Variants in CCDC192 observed in about 807,000 individuals in gnomAD.
CCDC192 encodes coiled-coil domain containing 192.
chr5:127,877,433 G>A (rs988006882), intron 6 of CCDC192, among the ~76,000 whole-genome samples: 1 of 151,972 alleles, frequency 6.6e-6, no homozygotes, highest in African/African-American at 2.4e-5. Flanking sequence ...AATAAAGCCA[G>A]TCATTGTAAG....
At chr5:127,752,779 G>A (rs558983606) in intron 2 of CCDC192, among the ~76,000 whole-genome samples, 1 of 152,324 alleles carries the variant, frequency 6.6e-6, no homozygotes, top group East Asian at 1.9e-4. Context: ...CGTGGGCGTA[G>A]GACCCTCTGA....
intron 3 of CCDC192, among the ~76,000 whole-genome samples, chr5:127,789,711 G>T (rs1721330978): frequency 6.6e-6 from 1 of 152,240 alleles, no homozygotes; most frequent in Non-Finnish European, 1.5e-5. Context: ...AAGTTTCTCA[G>T]ACTTCTTAGA....
intron 6 of CCDC192, among the ~76,000 whole-genome samples, chr5:127,925,478 A>G (rs1387946153): frequency 6.6e-6 from 1 of 152,206 alleles, no homozygotes; most frequent in African/African-American, 2.4e-5. Context: ...TATGCTGCCA[A>G]GTTAGCTTAG....
chr5:127,710,420 G>A (rs1225249923), intron 2 of CCDC192, among the ~76,000 whole-genome samples: 1 of 151,940 alleles, frequency 6.6e-6, no homozygotes, highest in African/African-American at 2.4e-5. Flanking sequence ...TGACCACCAA[G>A]CAGAATTAAC....
chr5:127,803,509 T>C (rs1757617277), intron 5 of CCDC192, among the ~76,000 whole-genome samples: 1 of 152,222 alleles, frequency 6.6e-6, no homozygotes. Context: ...GTTAGGGCGA[T>C]TTGAGTCAGG....
At chr5:127,870,350 T>G (rs1751798156) in intron 5 of CCDC192, among the ~76,000 whole-genome samples, 1 of 152,254 alleles carries the variant, frequency 6.6e-6, no homozygotes, top group African/African-American at 2.4e-5. Flanking sequence ...GCTAAATTTT[T>G]GTAACCAAGC....
intron 6 of CCDC192, among the ~76,000 whole-genome samples, chr5:127,910,783 T>C (rs912698469): frequency 6.6e-6 from 1 of 152,170 alleles, no homozygotes; most frequent in African/African-American, 2.4e-5. Flanking sequence ...AACAGCAGTG[T>C]CCTGCCAAAG....
intron 5 of CCDC192, among the ~76,000 whole-genome samples, chr5:127,823,277 G>A (rs1202211568): frequency 6.6e-6 from 1 of 152,152 alleles, no homozygotes; most frequent in Non-Finnish European, 1.5e-5. Context: ...GACAGAGCCT[G>A]GAGCTGTTTA....
At chr5:127,848,231 C>A (rs1750649187) in intron 5 of CCDC192, among the ~76,000 whole-genome samples, 1 of 152,100 alleles carries the variant, frequency 6.6e-6, no homozygotes, top group African/African-American at 2.4e-5. Context: ...CATAGTAAAC[C>A]CTTCACGTGG....
chr5:127,740,063 C>T (rs1017152498), intron 2 of CCDC192: 1 of 152,286 alleles, frequency 6.6e-6, no homozygotes, highest in Non-Finnish European at 1.5e-5. Flanking sequence ...TGGCTTTTAA[C>T]TTTGGAAGAT....
intron 6 of CCDC192, among the ~76,000 whole-genome samples, chr5:127,919,435 A>G (rs969452772): frequency 2.0e-5 from 3 of 151,716 alleles, no homozygotes; most frequent in Non-Finnish European, 2.9e-5. Context: ...ACGAAAAAAA[A>G]CTTCCAGAAC....
intron 6 of CCDC192, among the ~76,000 whole-genome samples, chr5:127,882,712 G>A (rs934272356): frequency 1.3e-5 from 2 of 152,310 alleles, no homozygotes; most frequent in South Asian, 2.1e-4. Flanking sequence ...TTTAAAGAAA[G>A]TGCGTTGGGC....
intron 5 of CCDC192, among the ~76,000 whole-genome samples, chr5:127,856,842 G>A (rs902229739): frequency 6.6e-6 from 1 of 152,166 alleles, no homozygotes; most frequent in Non-Finnish European, 1.5e-5. Flanking sequence ...GGTACAGTTT[G>A]TGGTGCCCCA....
At chr5:127,733,928 TA>T (rs201837445) in intron 2 of CCDC192, among the ~76,000 whole-genome samples, 56 of 146,420 alleles carry the variant, frequency 3.8e-4, no homozygotes, top group African/African-American at 9.7e-4. Context: ...TATATATATA[TA>T]TATTTTTTTA....
At chr5:127,773,044 G>A (rs1334601564) in intron 3 of CCDC192, among the ~76,000 whole-genome samples, 1 of 151,882 alleles carries the variant, frequency 6.6e-6, no homozygotes, top group Non-Finnish European at 1.5e-5. Context: ...GAAAGTTGAG[G>A]GAAATAAATA....
chr5:127,704,192 T>C (rs953466295), intron 1 of CCDC192, among the ~76,000 whole-genome samples: 1 of 152,166 alleles, frequency 6.6e-6, no homozygotes, highest in African/African-American at 2.4e-5. Flanking sequence ...AGTTTTTGTT[T>C]GTTTGTTTGT....
At chr5:127,855,780 T>C (rs151280272) in intron 5 of CCDC192, among the ~76,000 whole-genome samples, 12 of 152,350 alleles carry the variant, frequency 7.9e-5, no homozygotes, top group African/African-American at 2.9e-4. Flanking sequence ...TCAGAGCTCT[T>C]GGGTGACTAG....
intron 5 of CCDC192, among the ~76,000 whole-genome samples, chr5:127,807,225 C>T (rs1757838974): frequency 6.6e-6 from 1 of 152,118 alleles, no homozygotes. Context: ...AACTGTTCCC[C>T]AGTTTATGAG....
chr5:127,710,243 C>G (rs1010102846), intron 2 of CCDC192, among the ~76,000 whole-genome samples: 1 of 152,202 alleles, frequency 6.6e-6, no homozygotes, highest in East Asian at 1.9e-4. Flanking sequence ...ACAACGCAGT[C>G]TCTTTTAAGT....
Sources: gnomAD v4.1 joint callset for allele counts (sites outside exome capture counted in the v4.1 genomes callset) on GRCh38, gnomAD v4.1.1 for gene constraint, MANE v1.5 for transcripts, NCBI Gene and HGNC (gene_info 2026-07-23, HGNC 2026-07-21) for gene names.